EFCAB6: variants seen among roughly 807,000 people sequenced by gnomAD.
EFCAB6 encodes EF-hand calcium binding domain 6, also known as EF-hand calcium-binding domain-containing protein 6.
Under a neutral mutation model 169.8 loss-of-function variants are expected in EFCAB6, and 156 were observed. The observed-to-expected ratio is 0.92, with a 90% CI of 0.81 to 1.05. The LOEUF is 1.05. Ranked by LOEUF, EFCAB6 falls within the 50% of genes least tolerant of loss-of-function variation. EFCAB6 has a pLI of 0.00. For synonymous variants in EFCAB6, 698 were observed against 676.4 expected, an observed-to-expected ratio of 1.03 and a Z score of -0.50; for missense variants, 1,800 against 1,829.1, an observed-to-expected ratio of 0.98 and a Z score of 0.29.
intron 10 of EFCAB6, among the ~76,000 whole-genome samples, chr22:43,704,142 C>T (rs2058866595): frequency 6.6e-6 from 1 of 152,054 alleles, no homozygotes; most frequent in South Asian, 2.1e-4. Flanking sequence ...AAACATATCA[C>T]ATACAAAGAG....
At chr22:43,731,234 T>C (rs1392217032) in intron 8 of EFCAB6, among the ~76,000 whole-genome samples, 3 of 152,244 alleles carry the variant, frequency 2.0e-5, no homozygotes, top group African/African-American at 7.2e-5. Flanking sequence ...TTATGTCTAA[T>C]GACCTGGCTT....
At chr22:43,545,363 G>A (rs1332553376) in intron 27 of EFCAB6, among the ~76,000 whole-genome samples, 1 of 152,156 alleles carries the variant, frequency 6.6e-6, no homozygotes, top group African/African-American at 2.4e-5. Flanking sequence ...AGGCATTATG[G>A]CAGCCTAGAC....
intron 16 of EFCAB6, 123 bp downstream of exon 16, chr22:43,668,749 G>T: frequency 1.1e-6 from 1 of 888,694 alleles, no homozygotes; most frequent in Non-Finnish European, 1.5e-6. Context: ...TCTTTCTAGT[G>T]TGCCATCTTT....
intron 20 of EFCAB6, among the ~76,000 whole-genome samples, chr22:43,623,770 A>G (rs1180710470): frequency 1.3e-5 from 2 of 149,260 alleles, no homozygotes; most frequent in Non-Finnish European, 3.0e-5. Context: ...TTAGCCGGGC[A>G]TTGTGGTGGG....
chr22:43,732,542 A>G (rs2059993931), intron 7 of EFCAB6, among the ~76,000 whole-genome samples: 1 of 138,544 alleles, frequency 7.2e-6, no homozygotes, highest in Non-Finnish European at 1.5e-5. Context: ...ATCTCAGCTC[A>G]CTGCAACCTC....
intron 10 of EFCAB6, among the ~76,000 whole-genome samples, chr22:43,705,199 C>A (rs771161636): frequency 2.0e-5 from 3 of 152,050 alleles, no homozygotes; most frequent in Non-Finnish European, 4.4e-5. Context: ...TTTATATGCA[C>A]CTAACATAAG....
chr22:43,665,976 T>G (rs543145769), intron 17 of EFCAB6, among the ~76,000 whole-genome samples: 12 of 152,220 alleles, frequency 7.9e-5, no homozygotes, highest in Non-Finnish European at 1.0e-4. Flanking sequence ...TTAGTAGAGA[T>G]GGGGTTTCGC....
intron 5 of EFCAB6, among the ~76,000 whole-genome samples, chr22:43,762,178 T>C (rs904740896): frequency 2.0e-5 from 3 of 152,208 alleles, no homozygotes; most frequent in African/African-American, 7.2e-5. Flanking sequence ...TTTCCCCTTA[T>C]TCACTCAGCA....
chr22:43,533,838 G>A (rs971360873), intron 30 of EFCAB6, among the ~76,000 whole-genome samples: 32 of 152,216 alleles, frequency 2.1e-4, no homozygotes, highest in African/African-American at 7.0e-4. Flanking sequence ...CAGCAAGGCC[G>A]GGGACATTTC....
intron 20 of EFCAB6, 30 bp downstream of exon 20, chr22:43,626,417 T>A (rs980200297): frequency 6.2e-7 from 1 of 1,605,486 alleles, no homozygotes; most frequent in Non-Finnish European, 8.5e-7. Context: ...CGGCATATAT[T>A]AAAGACACAG....
At chr22:43,763,169 G>T (rs1221531131) in intron 5 of EFCAB6, among the ~76,000 whole-genome samples, 1 of 152,020 alleles carries the variant, frequency 6.6e-6, no homozygotes, top group East Asian at 1.9e-4. Flanking sequence ...CTCCCGAGTC[G>T]CTGGGATTAC....
At chr22:43,653,810 A>C (rs1569323054) in intron 17 of EFCAB6, among the ~76,000 whole-genome samples, 1 of 152,158 alleles carries the variant, frequency 6.6e-6, no homozygotes. Context: ...GCGCACTTTC[A>C]TGGGCTTTCA....
chr22:43,732,465 CTTTT>C lies in EFCAB6; in HGVS notation c.645-658_645-655del, dbSNP rs5845617. Among the ~76,000 whole-genome samples the C allele has an allele frequency of 5.9e-5, 7 of 119,228 alleles. No individual in the cohort carries two copies. In the East Asian group the frequency reaches 1.2e-3, roughly 20 times the overall value. The allele number at this position is 119,228 out of a possible 152,430, so 78.2% of individuals were successfully genotyped here. A position where few individuals can be genotyped will look rare whatever the true frequency, so the allele number is the denominator to read the frequency against. ...TCTATTCCTGAAACATACTGAAATA[CTTTT>C]TTTTTTTTTTTTTTTTTAGGCAGAA... is the stretch of plus-strand genomic sequence containing the variant. On this transcript the variant is annotated intron_variant, in intron 7 of 31. Coordinates refer to ENST00000262726, the MANE Select transcript of EFCAB6 (RefSeq NM_022785.4).
intron 13 of EFCAB6, among the ~76,000 whole-genome samples, chr22:43,674,542 G>A (rs2057637113): frequency 1.3e-5 from 2 of 152,206 alleles, no homozygotes; most frequent in Admixed American, 1.3e-4. Flanking sequence ...CAGCCAGGGA[G>A]CCTGAGGAAC....
intron 17 of EFCAB6, among the ~76,000 whole-genome samples, chr22:43,659,012 C>A (rs2056881032): frequency 6.6e-6 from 1 of 152,190 alleles, no homozygotes. Context: ...TCTGACTAGG[C>A]CTCACAGCAA....
intron 8 of EFCAB6, among the ~76,000 whole-genome samples, chr22:43,722,019 G>A (rs534353628): frequency 6.6e-6 from 1 of 152,108 alleles, no homozygotes; most frequent in South Asian, 2.1e-4. Flanking sequence ...TCTAAAATCT[G>A]TAAGGAATTT....
intron 17 of EFCAB6, among the ~76,000 whole-genome samples, chr22:43,646,512 T>C (rs971308639): frequency 6.6e-6 from 1 of 152,200 alleles, no homozygotes; most frequent in Non-Finnish European, 1.5e-5. Context: ...TATATAGAAA[T>C]AGATGTATAA....
intron 26 of EFCAB6, among the ~76,000 whole-genome samples, chr22:43,556,373 C>A (rs1050699406): frequency 2.6e-5 from 4 of 152,108 alleles, no homozygotes; most frequent in African/African-American, 9.7e-5. Context: ...CTAGAAGACA[C>A]GCGTGGGAGT....
rs369700385 is a variant in EFCAB6, at chr22:43,611,614, T to A, written c.2563-3014A>T. Among the ~76,000 whole-genome samples the A allele has an allele frequency of 1.3e-4, 20 of 152,104 alleles. No individual in the cohort carries two copies. The East Asian group carries it at 1.9e-3, about 15-fold the overall frequency. ...GAGTTCAAGACAAGTCTGGGAAACATGGCGAAACCCTATCTCCACAAAAAA... is the reference window on the plus strand; with the variant it reads ...GAGTTCAAGACAAGTCTGGGAAACAAGGCGAAACCCTATCTCCACAAAAAA... On this transcript the variant is annotated intron_variant, in intron 21 of 31. Transcript: ENST00000262726.
Sources: gnomAD v4.1 joint callset for allele counts (sites outside exome capture counted in the v4.1 genomes callset) on GRCh38, gnomAD v4.1.1 for gene constraint, MANE v1.5 for transcripts, NCBI Gene and HGNC (gene_info 2026-07-23, HGNC 2026-07-21) for gene names.